Variants in MALRD1 observed in about 807,000 individuals in gnomAD.
MALRD1 encodes MAM and LDL-receptor class A domain-containing protein 1.
Under a neutral mutation model 242.1 loss-of-function variants are expected in MALRD1, and 247 were observed. The observed-to-expected ratio is 1.02, with a 90% confidence interval of 0.92 to 1.13. MALRD1 has a LOEUF of 1.13. Among genes scored for constraint, MALRD1 ranks in the 50% most tolerant of loss-of-function variants. The probability of loss-of-function intolerance (pLI) is 0.00; values close to 1 mark genes in which losing one functional copy is unlikely to be tolerated. For synonymous variants in MALRD1, 995 were observed against 866.6 expected (o/e 1.15, Z -2.60); for missense variants, 2,989 against 2,533.1 (o/e 1.18, Z -3.86).
chr10:19,578,198 TTTTG>T (rs1836926831), intron 33 of MALRD1, among the ~76,000 whole-genome samples: 1 of 152,106 alleles, frequency 6.6e-6, no homozygotes. Context: ...CCAGTTTTTG[TTTTG>T]TTTGTTTTGC....
chr10:19,456,843 G>C (rs1184451065), intron 29 of MALRD1, among the ~76,000 whole-genome samples: 1 of 151,514 alleles, frequency 6.6e-6, no homozygotes, highest in Non-Finnish European at 1.5e-5. Context: ...CACGATCTCA[G>C]CTCACTGCAA....
chr10:19,123,324 TGAGA>T (rs1554793086), intron 5 of MALRD1, among the ~76,000 whole-genome samples, 164 bp from the exon 6 acceptor site: 1 of 150,852 alleles, frequency 6.6e-6, no homozygotes, highest in South Asian at 2.1e-4. Flanking sequence ...TGTGTGTGTG[TGAGA>T]GAGAGAGAGA....
At chr10:19,373,376 TGTG>T (rs1324612144) in intron 26 of MALRD1, among the ~76,000 whole-genome samples, 23 of 151,502 alleles carry the variant, frequency 1.5e-4, no homozygotes, top group African/African-American at 4.8e-4. Flanking sequence ...TGTAGCCAGA[TGTG>T]GTGGTGGCGG....
chr10:19,654,221 C>G lies in MALRD1; in HGVS notation c.6138-38061C>G, dbSNP rs150610991. ...GCATCCTCCATCCAGTGGGAACAAACACATTTGATGGATAAAAGACTAAGC... is the reference window on the plus strand; with the variant it reads ...GCATCCTCCATCCAGTGGGAACAAAGACATTTGATGGATAAAAGACTAAGC... On this transcript the variant is annotated intron_variant, in intron 36 of 39. Transcript: ENST00000454679. Among the ~76,000 whole-genome samples, 558 of 127,256 alleles carry G rather than the reference C, an allele frequency of 4.4e-3. 2 individuals carry two copies. The highest frequency in any genetic ancestry group is 0.014 in the African/African-American group (534 of 38,312). The allele number at this position is 127,256 out of a possible 152,430, so 83.5% of individuals were successfully genotyped here.
intron 32 of MALRD1, among the ~76,000 whole-genome samples, chr10:19,565,810 GCTT>G (rs1408292678): frequency 6.6e-6 from 1 of 152,096 alleles, no homozygotes; most frequent in African/African-American, 2.4e-5. Flanking sequence ...GTCTTGAGAA[GCTT>G]CTTTTCCAAA....
At position 19,337,615 on chromosome 10, in the gene MALRD1, T is replaced by C. The variant is rs1564573704; in HGVS notation, c.3901+6033T>C. ...ACAGAATTGTTTATCTTTTGTTGAGTTACAGAAGTTCTTTAGAATTCTAAA... is the reference window on the plus strand; with the variant it reads ...ACAGAATTGTTTATCTTTTGTTGAGCTACAGAAGTTCTTTAGAATTCTAAA... On this transcript the variant is annotated intron_variant, in intron 24 of 39. Transcript: ENST00000454679. 3.9e-5 allele frequency among the ~76,000 whole-genome samples: 6 copies of C among 152,218 alleles called. No individual in the cohort carries two copies. In the South Asian group the frequency reaches 1.0e-3, roughly 26 times the overall value.
chr10:19,412,370 T>TACTTA (rs1340779096), intron 28 of MALRD1, among the ~76,000 whole-genome samples: 1 of 152,178 alleles, frequency 6.6e-6, no homozygotes, highest in Admixed American at 6.6e-5. Context: ...TCAATTAAAC[T>TACTTA]ACTTAATCAA....
At chr10:19,301,626 A>G (rs1235018623) in intron 21 of MALRD1, among the ~76,000 whole-genome samples, 3 of 151,838 alleles carry the variant, frequency 2.0e-5, no homozygotes, top group Non-Finnish European at 4.4e-5. Context: ...AAAAGCAAAT[A>G]CCATATATTC....
intron 34 of MALRD1, among the ~76,000 whole-genome samples, chr10:19,599,449 G>GAAAAGA (rs1019556244): frequency 1.3e-5 from 2 of 151,604 alleles, no homozygotes; most frequent in Non-Finnish European, 2.9e-5. Context: ...AAATATAAAA[G>GAAAAGA]AAAAGAAAAA....
At chr10:19,333,776 C>G (rs1269631593) in intron 24 of MALRD1, among the ~76,000 whole-genome samples, 1 of 151,896 alleles carries the variant, frequency 6.6e-6, no homozygotes, top group African/African-American at 2.4e-5. Context: ...AGTGTGTAAG[C>G]TTTGCCTTTT....
intron 32 of MALRD1, among the ~76,000 whole-genome samples, chr10:19,540,750 G>T (rs7901624): frequency 6.6e-6 from 1 of 151,966 alleles, no homozygotes; most frequent in Admixed American, 6.6e-5. Flanking sequence ...AAACCTTGAC[G>T]TTTCAATAGC....
intron 29 of MALRD1, among the ~76,000 whole-genome samples, chr10:19,485,458 A>G (rs1008653931): frequency 4.6e-5 from 7 of 152,234 alleles, no homozygotes; most frequent in African/African-American, 1.7e-4. Flanking sequence ...TCTGGCTAAT[A>G]GGGTGAAACC....
At chr10:19,585,533 T>G (rs970609325) in intron 33 of MALRD1, among the ~76,000 whole-genome samples, 3 of 152,306 alleles carry the variant, frequency 2.0e-5, no homozygotes, top group Admixed American at 2.0e-4. Context: ...TTCTTTTCTT[T>G]AAGAATGTTG....
chr10:19,483,208 A>G (rs1205927812), intron 29 of MALRD1, among the ~76,000 whole-genome samples: 2 of 6,464 alleles, frequency 3.1e-4, no homozygotes, highest in African/African-American at 1.6e-3. Flanking sequence ...GAATCCTAGA[A>G]AAAAAAAAAA....
intron 13 of MALRD1, among the ~76,000 whole-genome samples, chr10:19,169,373 A>G (rs1051904028): frequency 4.6e-5 from 7 of 152,390 alleles, no homozygotes; most frequent in African/African-American, 1.7e-4. Context: ...TTGCACAGAT[A>G]CATACATGGT....
chr10:19,369,860 C>T (rs999267182), intron 26 of MALRD1, among the ~76,000 whole-genome samples: 1 of 151,616 alleles, frequency 6.6e-6, no homozygotes, highest in African/African-American at 2.4e-5. Context: ...CATTAAGTGT[C>T]CTATTTATTT....
At chr10:19,393,711 C>G (rs1846448043) in intron 28 of MALRD1, among the ~76,000 whole-genome samples, 1 of 151,846 alleles carries the variant, frequency 6.6e-6, no homozygotes, top group Admixed American at 6.6e-5. Flanking sequence ...CCACCTTGGC[C>G]TCCCAAAGTG....
intron 2 of MALRD1, among the ~76,000 whole-genome samples, chr10:19,083,572 G>C (rs1835563130): frequency 6.6e-6 from 1 of 151,948 alleles, no homozygotes. Context: ...TACTGAGCAA[G>C]CTATTATTAT....
rs533725999 is a variant in MALRD1 at position 19,104,321 on chromosome 10, G to T, written c.694+246G>T. 3.3e-5 allele frequency among the ~76,000 whole-genome samples: 5 copies of T among 152,252 alleles called. No homozygotes were observed. The South Asian group carries it at 1.0e-3, about 32-fold the overall frequency. ...TTAGTCTCAAACTTGAAATCTTGTA[G>T]CAATGTTTACAACGGCTAAAGTTAA... On this transcript the variant is annotated intron_variant, in intron 5 of 39. Coordinates refer to ENST00000454679, the MANE Select transcript of MALRD1 (RefSeq NM_001142308.3).
Sources: gnomAD v4.1 joint callset for allele counts (sites outside exome capture counted in the v4.1 genomes callset) on GRCh38, gnomAD v4.1.1 for gene constraint, MANE v1.5 for transcripts, NCBI Gene and HGNC (gene_info 2026-07-23, HGNC 2026-07-21) for gene names.